Variants in SMOC1 observed in about 807,000 individuals in gnomAD.
SMOC1 encodes the protein SPARC related modular calcium binding 1.
SMOC1 carries 22 observed loss-of-function variants against 56.3 expected under a neutral mutation model. That is an observed-to-expected ratio of 0.39 (90% CI 0.28 to 0.56). The LOEUF is 0.56. Ranked by LOEUF, SMOC1 falls within the 20% of genes least tolerant of loss-of-function variation. The pLI is 0.61. For synonymous variants in SMOC1, 193 were observed against 215.0 expected (o/e 0.90, Z 0.89); for missense variants, 509 against 565.4 (o/e 0.90, Z 1.01).
At chr14:70,006,887 A>G (rs1885165622) in intron 7 of SMOC1, among the ~76,000 whole-genome samples, 1 of 152,176 alleles carries the variant, frequency 6.6e-6, no homozygotes, top group Non-Finnish European at 1.5e-5. Flanking sequence ...CAAAAGTGAA[A>G]GCGAGAGCTG....
chr14:70,011,648 C>G, intron 9 of SMOC1, 81 bp downstream of exon 9: 1 of 1,338,870 alleles, frequency 7.5e-7, no homozygotes, highest in Non-Finnish European at 1.1e-6. Context: ...AAGCTGTCTC[C>G]TCTTTGTCTG....
chr14:69,987,142 C>T (rs1210919775), intron 5 of SMOC1, among the ~76,000 whole-genome samples: 1 of 152,220 alleles, frequency 6.6e-6, no homozygotes, highest in Admixed American at 6.5e-5. Flanking sequence ...GATGGTGGCT[C>T]TGGCATAAAT....
chr14:70,001,861 G>A (rs1388416231), intron 7 of SMOC1, among the ~76,000 whole-genome samples: 8 of 152,136 alleles, frequency 5.3e-5, no homozygotes, highest in African/African-American at 1.9e-4. Context: ...GAAAACAAGG[G>A]GTAGAGCCTG....
At chr14:69,891,322 T>C (rs1883953051) in intron 1 of SMOC1, among the ~76,000 whole-genome samples, 1 of 152,178 alleles carries the variant, frequency 6.6e-6, no homozygotes, top group Admixed American at 6.5e-5. Flanking sequence ...TTAAATTGGG[T>C]GGTGAATACA....
intron 1 of SMOC1, among the ~76,000 whole-genome samples, chr14:69,917,314 C>T (rs975232197): frequency 2.0e-5 from 3 of 152,212 alleles, no homozygotes; most frequent in East Asian, 1.9e-4. Flanking sequence ...CCAAACACCT[C>T]GCTGACAATG....
chr14:70,023,551 A>C (rs1487331440), intron 11 of SMOC1, 104 bp downstream of exon 11: 2 of 1,493,512 alleles, frequency 1.3e-6, no homozygotes, highest in Non-Finnish European at 1.9e-6. Flanking sequence ...TCATCTATTC[A>C]TCAATTATTT....
intron 6 of SMOC1, among the ~76,000 whole-genome samples, chr14:69,993,726 G>A (rs1412808024): frequency 1.3e-5 from 2 of 152,188 alleles, no homozygotes; most frequent in Non-Finnish European, 2.9e-5. Flanking sequence ...TGACAAGTCT[G>A]GGACCCTGGG....
chr14:69,889,253 C>A (rs758830626), intron 1 of SMOC1, among the ~76,000 whole-genome samples: 1 of 152,190 alleles, frequency 6.6e-6, no homozygotes, highest in South Asian at 2.1e-4. Flanking sequence ...CACTGTACTT[C>A]CTGATCTCTC....
intron 1 of SMOC1, among the ~76,000 whole-genome samples, chr14:69,907,365 A>G (rs1025855198): frequency 1.4e-4 from 22 of 152,256 alleles, no homozygotes; most frequent in Non-Finnish European, 2.9e-5. Flanking sequence ...TTCTTTCTGT[A>G]ACATGCTTAC....
At chr14:69,947,867 G>C (rs1421305835) in intron 1 of SMOC1, among the ~76,000 whole-genome samples, 1 of 152,228 alleles carries the variant, frequency 6.6e-6, no homozygotes, top group Non-Finnish European at 1.5e-5. Context: ...GTCCATCATG[G>C]TGAGAAGTTC....
chr14:69,913,199 A>G (rs544464468), intron 1 of SMOC1, among the ~76,000 whole-genome samples: 164 of 152,246 alleles, frequency 1.1e-3, no homozygotes, highest in African/African-American at 3.8e-3. Flanking sequence ...CTGGGTAACA[A>G]AATCATTCCT....
chr14:69,937,044 G>C (rs929835240), intron 1 of SMOC1, among the ~76,000 whole-genome samples: 5 of 152,178 alleles, frequency 3.3e-5, no homozygotes, highest in Admixed American at 3.3e-4. Context: ...CTGCATTGAA[G>C]GCTGGGTGAA....
chr14:69,975,534 T>G (rs1355011516), intron 3 of SMOC1, among the ~76,000 whole-genome samples, 181 bp from the exon 4 acceptor site: 1 of 152,202 alleles, frequency 6.6e-6, no homozygotes, highest in Non-Finnish European at 1.5e-5. Flanking sequence ...ACAGCAACCA[T>G]GTACCCAGTG....
intron 1 of SMOC1, among the ~76,000 whole-genome samples, chr14:69,936,137 C>T (rs143848172): frequency 1.2e-3 from 188 of 152,228 alleles, no homozygotes; most frequent in Admixed American, 3.6e-3. Flanking sequence ...TCCCAGTTGA[C>T]GACATATCAC....
chr14:70,017,470 A>G (rs958992480), intron 10 of SMOC1, among the ~76,000 whole-genome samples: 1 of 152,216 alleles, frequency 6.6e-6, no homozygotes. Flanking sequence ...TTGGGGCTAC[A>G]GGCATGAGGT....
intron 7 of SMOC1, among the ~76,000 whole-genome samples, chr14:69,997,954 C>T (rs891495321): frequency 6.6e-6 from 1 of 152,070 alleles, no homozygotes; most frequent in Non-Finnish European, 1.5e-5. Context: ...AAAGGCTATC[C>T]CAGTTTCTTT....
At chr14:69,989,284 T>C (rs528935919) in intron 5 of SMOC1, among the ~76,000 whole-genome samples, 3 of 152,374 alleles carry the variant, frequency 2.0e-5, no homozygotes, top group Non-Finnish European at 4.4e-5. Flanking sequence ...TTCCTAATGA[T>C]TAACAATGTT....
intron 1 of SMOC1, among the ~76,000 whole-genome samples, chr14:69,920,517 A>G (rs74060648): frequency 0.015 from 2,222 of 152,172 alleles, 65 homozygotes; most frequent in African/African-American, 0.051. Flanking sequence ...GTCCTCCCCA[A>G]TTGTCATGGT....
rs570759942 is a variant in SMOC1, at chr14:69,919,908, A to C, written c.100-32230A>C. On this transcript the variant is annotated intron_variant, in intron 1 of 11. Transcript: ENST00000361956. ...GGACTAAATCATCCTATGAACACAAATACCCCCCCCCCCCTTTCTCCCCTG... is the reference window on the plus strand; with the variant it reads ...GGACTAAATCATCCTATGAACACAACTACCCCCCCCCCCCTTTCTCCCCTG... Among the ~76,000 whole-genome samples, 298 of 123,634 alleles carry C rather than the reference A, an allele frequency of 2.4e-3. 2 individuals carry two copies. Among genetic ancestry groups the C allele is most frequent in the African/African-American group, 9.3e-3 (284 of 30,598 alleles). The allele number at this position is 123,634 out of a possible 152,430, so 81.1% of individuals were successfully genotyped here. A position where few individuals can be genotyped will look rare whatever the true frequency, so the allele number is the denominator to read the frequency against.
Sources: gnomAD v4.1 joint callset for allele counts (sites outside exome capture counted in the v4.1 genomes callset) on GRCh38, gnomAD v4.1.1 for gene constraint, MANE v1.5 for transcripts, NCBI Gene and HGNC (gene_info 2026-07-23, HGNC 2026-07-21) for gene names.